DAPL1: variants seen among roughly 807,000 people sequenced by gnomAD.
DAPL1 encodes death associated protein like 1.
In DAPL1, 17 loss-of-function variants were observed where a neutral mutation model predicts 12.9. The observed-to-expected ratio is 1.32, with a 90% CI of 0.90 to 1.98. The LOEUF (loss-of-function observed/expected upper bound fraction) is 1.98, where lower values mean the gene tolerates loss of function less well. Ranked by LOEUF, DAPL1 falls within the 30% of genes most tolerant of loss-of-function variation. DAPL1 has a pLI of 0.00. For synonymous variants in DAPL1, 51 were observed against 42.0 expected, an observed-to-expected ratio of 1.21 and a Z score of -0.82; for missense variants, 157 against 125.7, an observed-to-expected ratio of 1.25 and a Z score of -1.19.
chr2:158,799,442 C>G (rs982810454), intron 1 of DAPL1, among the ~76,000 whole-genome samples: 7 of 151,830 alleles, frequency 4.6e-5, no homozygotes, highest in Admixed American at 4.6e-4. Context: ...TCAGAGGTAT[C>G]TAGTATAAGC....
intron 3 of DAPL1, among the ~76,000 whole-genome samples, chr2:158,814,583 T>C (rs563202706): frequency 6.6e-6 from 1 of 152,354 alleles, no homozygotes; most frequent in Non-Finnish European, 1.5e-5. Flanking sequence ...AAGAAAGGAC[T>C]TTTTGGAGTC....
chr2:158,811,715 C>T (rs1447772492), intron 3 of DAPL1, among the ~76,000 whole-genome samples: 2 of 152,144 alleles, frequency 1.3e-5, no homozygotes, highest in African/African-American at 4.8e-5. Context: ...TTCTTTCTCT[C>T]GTGGGGTTAC....
rs569787086 is a variant in DAPL1, at chr2:158,803,999, G to A, written c.59-283G>A. 3.9e-5 allele frequency among the ~76,000 whole-genome samples: 6 copies of A among 152,312 alleles called. No homozygotes were observed. The East Asian group carries it at 5.8e-4, about 15-fold the overall frequency. On this transcript the variant is annotated intron_variant, in intron 1 of 3. Transcript: ENST00000309950. Reference sequence around the variant, plus strand: ...GTTTTTCAGTGAAATGCCTAAGGGAGTATGTTGTTATTCTCCTCCCCAAAT... The same window carrying A: ...GTTTTTCAGTGAAATGCCTAAGGGAATATGTTGTTATTCTCCTCCCCAAAT...
At chr2:158,805,802 T>G (rs2059197770) in intron 2 of DAPL1, among the ~76,000 whole-genome samples, 1 of 148,814 alleles carries the variant, frequency 6.7e-6, no homozygotes, top group South Asian at 2.1e-4. Flanking sequence ...TAATAGTCGT[T>G]AAATGACAGG....
intron 3 of DAPL1, among the ~76,000 whole-genome samples, chr2:158,811,859 C>A (rs1260617427): frequency 6.6e-6 from 1 of 152,186 alleles, no homozygotes; most frequent in Non-Finnish European, 1.5e-5. Flanking sequence ...ACACAGCTGG[C>A]TGTAGCTTAT....
At chr2:158,796,767 C>G (rs1184567025) in intron 1 of DAPL1, among the ~76,000 whole-genome samples, 1 of 152,126 alleles carries the variant, frequency 6.6e-6, no homozygotes, top group Admixed American at 6.5e-5. Flanking sequence ...ATGAAACCAC[C>G]GGGAACTTTC....
chr2:158,804,510 G>C (rs997964257), intron 2 of DAPL1, 141 bp downstream of exon 2: 8 of 596,910 alleles, frequency 1.3e-5, no homozygotes, highest in African/African-American at 3.7e-5. Flanking sequence ...GGCGTGATCC[G>C]TGGTGACTTA....
Position 158,815,717 on chromosome 2 carries a change from T to C in DAPL1, c.220T>C (p.Phe74Leu). ...TTCTCACCTTTAGCTCAACTATAAATTTCCAGCAACAGTGCACATGGCGCA... is the reference window on the plus strand; with the variant it reads ...TTCTCACCTTTAGCTCAACTATAAACTTCCAGCAACAGTGCACATGGCGCA... ...NDALEKLNYK[F>L]PATVHMAHQK... Residue 74 changes from phenylalanine to leucine, a missense_variant, in exon 4 of 4, where the codon TTT becomes CTT. Transcript: ENST00000309950. 1 of 1,612,592 alleles carries C rather than the reference T, an allele frequency of 6.2e-7. No homozygotes were observed. Among genetic ancestry groups the C allele is most frequent in the East Asian group, 2.2e-5 (1 of 44,892 alleles).
intron 3 of DAPL1, among the ~76,000 whole-genome samples, 185 bp from the exon 4 acceptor site, chr2:158,815,520 A>T (rs1467168850): frequency 1.3e-5 from 2 of 152,226 alleles, no homozygotes; most frequent in Non-Finnish European, 2.9e-5. Flanking sequence ...ATGAGAGAAG[A>T]CCCAGGTTAA....
intron 1 of DAPL1, among the ~76,000 whole-genome samples, chr2:158,802,332 G>A (rs974427725): frequency 2.6e-5 from 4 of 152,208 alleles, no homozygotes; most frequent in Non-Finnish European, 5.9e-5. Flanking sequence ...GAACCTAAAA[G>A]AGCCAGAGTG....
intron 1 of DAPL1, 112 bp downstream of exon 1, chr2:158,795,542 C>G: frequency 1.0e-6 from 1 of 998,570 alleles, no homozygotes. Context: ...CCCAGTATGA[C>G]TTTAACTCCA....
chr2:158,804,691 A>G (rs544585033), intron 2 of DAPL1, among the ~76,000 whole-genome samples: 2 of 152,220 alleles, frequency 1.3e-5, no homozygotes, highest in East Asian at 3.9e-4. Flanking sequence ...CTTTTATCCT[A>G]TTTTCAGATC....
intron 1 of DAPL1, among the ~76,000 whole-genome samples, chr2:158,800,555 T>C (rs2059161645): frequency 6.6e-6 from 1 of 152,190 alleles, no homozygotes; most frequent in African/African-American, 2.4e-5. Context: ...TGAGAGCAGT[T>C]TTAAGTGTCC....
chr2:158,800,542 G>A (rs2059161596), intron 1 of DAPL1, among the ~76,000 whole-genome samples: 2 of 152,210 alleles, frequency 1.3e-5, no homozygotes, highest in Admixed American at 1.3e-4. Flanking sequence ...CGTGGAGACA[G>A]TCTGAGAGCA....
Position 158,807,093 on chromosome 2 carries a change from C to A in DAPL1, c.185C>A (p.Ala62Asp), listed in dbSNP as rs1231344423. 18 of 1,610,702 alleles carry A rather than the reference C, an allele frequency of 1.1e-5. No homozygotes were observed. The highest frequency in any genetic ancestry group is 1.5e-5 in the Non-Finnish European group (18 of 1,177,920). ...ANVAKIQTLD[A>D]LNDALEKLNY... The stretch of plus-strand genomic sequence containing the variant: ...GTTGCCAAAATACAGACACTGGATG[C>A]CCTGAATGACGCACTGGAGAAGGTG... The change falls in exon 3 of 4, where the codon GCC (alanine) becomes GAC (aspartate). Residue 62 changes from alanine to aspartate, a missense_variant. By Grantham distance (126) the Ala-to-Asp change is moderately radical (BLOSUM62 -2). Transcript: ENST00000309950.
Position 158,807,058 on chromosome 2 carries a change from C to A in DAPL1, c.150C>A (p.Ala50=), listed in dbSNP as rs774572754. The stretch of plus-strand genomic sequence containing the variant: ...AAGTTTCTTTTCATCTTCACAGTGC[C>A]ATTGCAAATGTTGCCAAAATACAGA... The part of the protein sequence containing the change: ...TKKTGFEKTS[A]IANVAKIQTL... The change falls in exon 3 of 4, where the codon GCC becomes GCA. Residue 50 remains alanine, a synonymous_variant. Coordinates refer to ENST00000309950, the MANE Select transcript of DAPL1 (RefSeq NM_001017920.3). The A allele has an allele frequency of 6.2e-7, 1 of 1,612,006 alleles. No individual in the cohort carries two copies. Among genetic ancestry groups the A allele is most frequent in the Non-Finnish European group, 8.5e-7 (1 of 1,178,720 alleles).
intron 3 of DAPL1, among the ~76,000 whole-genome samples, chr2:158,809,860 A>G (rs1321579611): frequency 2.0e-5 from 3 of 152,126 alleles, no homozygotes; most frequent in Non-Finnish European, 4.4e-5. Flanking sequence ...GCTAAGAAAA[A>G]TCTCACCGAA....
chr2:158,815,793 A>C lies in DAPL1; in HGVS notation c.296A>C (p.Tyr99Ser). 1 of 1,613,714 alleles carries C rather than the reference A, an allele frequency of 6.2e-7. No homozygotes were observed. Among genetic ancestry groups the C allele is most frequent in the Non-Finnish European group, 8.5e-7 (1 of 1,179,588 alleles). Reference protein sequence around the residue: ...LEKVVPLKRIYIIQQPRKC With the variant: ...LEKVVPLKRISIIQQPRKC ...AAGGTTGTTCCACTGAAAAGGATCTACATTATTCAGCAGCCTCGAAAATGT... is the reference window on the plus strand; with the variant it reads ...AAGGTTGTTCCACTGAAAAGGATCTCCATTATTCAGCAGCCTCGAAAATGT... Residue 99 changes from tyrosine to serine, a missense_variant, in exon 4 of 4, where the codon TAC becomes TCC. By Grantham distance (144) the Tyr-to-Ser change is moderately radical (BLOSUM62 -2). Transcript: ENST00000309950.
At position 158,804,379 on chromosome 2, in the gene DAPL1, C is replaced by G. The variant is rs2059187822; in HGVS notation, c.146+10C>G. 1 of 1,587,338 alleles carries G rather than the reference C, an allele frequency of 6.3e-7. No homozygotes were observed. The stretch of plus-strand genomic sequence containing the variant: ...GATTCGAGAAAACAAGGTAGGGACT[C>G]TTAATTTTTCTCCATCACCTTGAGG... On this transcript the variant is annotated intron_variant, in intron 2 of 3. Coordinates refer to ENST00000309950, the MANE Select transcript of DAPL1 (RefSeq NM_001017920.3).
Sources: gnomAD v4.1 joint callset for allele counts (sites outside exome capture counted in the v4.1 genomes callset) on GRCh38, gnomAD v4.1.1 for gene constraint, MANE v1.5 for transcripts, NCBI Gene and HGNC (gene_info 2026-07-23, HGNC 2026-07-21) for gene names.